Variants in ASB5 observed in about 807,000 individuals in gnomAD.
ASB5 encodes ankyrin repeat and SOCS box containing 5.
In ASB5, 45 loss-of-function variants were observed where a neutral mutation model predicts 42.1. The observed-to-expected ratio is 1.07, with a 90% CI of 0.84 to 1.37. ASB5 has a LOEUF of 1.37. Ranked by LOEUF, ASB5 falls within the 40% of genes most tolerant of loss-of-function variation. ASB5 has a pLI of 0.00. For synonymous variants in ASB5, 147 were observed against 150.6 expected (o/e 0.98, Z 0.18); for missense variants, 402 against 399.8 (o/e 1.01, Z -0.05).
chr4:176,268,981 A>C lies in ASB5; in HGVS notation c.128T>G (p.Ile43Arg), dbSNP rs762900651. The C allele has an allele frequency of 2.4e-5, 38 of 1,613,440 alleles. No homozygotes were observed. Among genetic ancestry groups the C allele is most frequent in the Non-Finnish European group, 3.2e-5 (38 of 1,179,698 alleles). The change falls in exon 1 of 7, where the codon ATA becomes AGA. Residue 43 changes from isoleucine to arginine, a missense_variant. Coordinates refer to ENST00000296525, the MANE Select transcript of ASB5 (RefSeq NM_080874.4). ...CGCTTCCTTGCGGTTGCCTTTCACT[A>C]TGTAGAAATGACTGAGGATGGCAAG... ...ISLAILSHFY[I>R]VKGNRKEAAR... is the part of the protein sequence containing the mutation.
chr4:176,233,586 C>T (rs1156935058), intron 1 of ASB5, among the ~76,000 whole-genome samples: 1 of 152,098 alleles, frequency 6.6e-6, no homozygotes, highest in Non-Finnish European at 1.5e-5. Context: ...GTCAAGGAAA[C>T]TTTATATATT....
At chr4:176,235,291 T>G (rs758453142) in intron 1 of ASB5, among the ~76,000 whole-genome samples, 14 of 152,340 alleles carry the variant, frequency 9.2e-5, no homozygotes, top group Non-Finnish European at 1.6e-4. Context: ...AGTTGTACAT[T>G]AAATAAGTGA....
At chr4:176,220,017 G>C (rs1254892709) in intron 5 of ASB5, among the ~76,000 whole-genome samples, 1 of 152,104 alleles carries the variant, frequency 6.6e-6, no homozygotes, top group Non-Finnish European at 1.5e-5. Context: ...ACTAATGATA[G>C]CTGATGAGCT....
intron 1 of ASB5, among the ~76,000 whole-genome samples, chr4:176,234,358 T>C (rs1753630587): frequency 6.6e-6 from 1 of 152,178 alleles, no homozygotes; most frequent in Non-Finnish European, 1.5e-5. Flanking sequence ...CAACCTTCTG[T>C]TTGCTCTTTC....
At chr4:176,256,493 T>G (rs533276982) in intron 1 of ASB5, among the ~76,000 whole-genome samples, 46 of 152,344 alleles carry the variant, frequency 3.0e-4, no homozygotes, top group Middle Eastern at 3.4e-3. Context: ...AGGCTCCAGA[T>G]AATTCAAAAT....
intron 2 of ASB5, among the ~76,000 whole-genome samples, chr4:176,224,571 C>A (rs552448552): frequency 6.6e-6 from 1 of 150,782 alleles, no homozygotes. Flanking sequence ...TGGAGTTTCA[C>A]CATGTTGGCC....
intron 1 of ASB5, among the ~76,000 whole-genome samples, chr4:176,236,783 C>A (rs1753695815): frequency 6.6e-6 from 1 of 152,106 alleles, no homozygotes; most frequent in Admixed American, 6.6e-5. Context: ...TATGGATATT[C>A]CTTTTTAAAA....
At chr4:176,216,396 G>A (rs1219533179) in intron 6 of ASB5, among the ~76,000 whole-genome samples, 2 of 152,040 alleles carry the variant, frequency 1.3e-5, no homozygotes, top group African/African-American at 2.4e-5. Context: ...CTGTTGCCAG[G>A]TTGGAGTGCA....
upstream of ASB5, among the ~76,000 whole-genome samples, chr4:176,273,474 G>A (rs1175913126): frequency 6.6e-6 from 1 of 151,948 alleles, no homozygotes; most frequent in African/African-American, 2.4e-5. Context: ...AAAAAATAAA[G>A]GCAAATGGAA....
intron 1 of ASB5, among the ~76,000 whole-genome samples, chr4:176,267,094 A>G (rs1185959485): frequency 6.6e-6 from 1 of 152,212 alleles, no homozygotes; most frequent in East Asian, 1.9e-4. Context: ...GTGTTAATGT[A>G]GAGAAATTCT....
chr4:176,260,157 T>A (rs1754230055), intron 1 of ASB5, among the ~76,000 whole-genome samples: 1 of 152,224 alleles, frequency 6.6e-6, no homozygotes, highest in Non-Finnish European at 1.5e-5. Context: ...ATTATTACTA[T>A]TTTAAAGCCC....
intron 1 of ASB5, among the ~76,000 whole-genome samples, chr4:176,268,220 T>C (rs1754395189): frequency 6.6e-6 from 1 of 152,168 alleles, no homozygotes; most frequent in Non-Finnish European, 1.5e-5. Context: ...CTATGGGTAA[T>C]ATTGTTTCTC....
chr4:176,241,375 A>T, intron 1 of ASB5: 1 of 1,061,194 alleles, frequency 9.4e-7, no homozygotes, highest in Non-Finnish European at 1.3e-6. Context: ...ATGAATGTTT[A>T]CTCCAAAATT....
chr4:176,265,379 G>C (rs983939707), intron 1 of ASB5, among the ~76,000 whole-genome samples: 1 of 152,118 alleles, frequency 6.6e-6, no homozygotes, highest in Non-Finnish European at 1.5e-5. Context: ...GAGTCATTTG[G>C]CAGTGAGTGT....
chr4:176,219,966 A>G (rs1753156551), intron 5 of ASB5, among the ~76,000 whole-genome samples: 1 of 152,114 alleles, frequency 6.6e-6, no homozygotes, highest in South Asian at 2.1e-4. Flanking sequence ...CCACACTGGA[A>G]GAAGAAGAAT....
chr4:176,250,109 G>A (rs1754004604), intron 1 of ASB5, among the ~76,000 whole-genome samples: 1 of 151,586 alleles, frequency 6.6e-6, no homozygotes, highest in Non-Finnish European at 1.5e-5. Context: ...TGAGTTAAGT[G>A]AAATATCACC....
chr4:176,255,116 C>A (rs1003492162), intron 1 of ASB5, among the ~76,000 whole-genome samples: 4 of 152,168 alleles, frequency 2.6e-5, no homozygotes, highest in Non-Finnish European at 4.4e-5. Flanking sequence ...GGTGGCAGAG[C>A]AAGACTCCAT....
At chr4:176,241,711 A>T in intron 1 of ASB5, 3 of 1,259,796 alleles carry the variant, frequency 2.4e-6, no homozygotes, top group Non-Finnish European at 3.0e-6. Context: ...AGCCTGACAT[A>T]AGCATCTTGG....
intron 1 of ASB5, among the ~76,000 whole-genome samples, chr4:176,235,137 C>G (rs1402276447): frequency 6.6e-6 from 1 of 152,060 alleles, no homozygotes; most frequent in Non-Finnish European, 1.5e-5. Flanking sequence ...AACTAACAGA[C>G]TAGACAAATG....
Sources: allele counts gnomAD v4.1 joint callset (sites outside exome capture counted in the v4.1 genomes callset), GRCh38; gene constraint gnomAD v4.1.1; transcripts MANE v1.5; gene names NCBI Gene and HGNC (gene_info 2026-07-23, HGNC 2026-07-21).